The following PRDM10 variants were observed in gnomAD, a reference collection of about 807,000 sequenced individuals.
PRDM10 encodes PR domain zinc finger protein 10.
Under a neutral mutation model 133.1 loss-of-function variants are expected in PRDM10, and 65 were observed. The ratio of observed to expected loss-of-function variants is 0.49; its 90% CI spans 0.40 to 0.60. The LOEUF (loss-of-function observed/expected upper bound fraction) is 0.60. Among genes scored for constraint, PRDM10 ranks in the 20% least tolerant of loss-of-function variants. PRDM10 has a pLI of 0.00. For missense variants in PRDM10, 1,137 were observed against 1,507.1 expected (o/e 0.75, Z 4.07); for synonymous variants, 582 against 580.4 (o/e 1.00, Z -0.04).
At chr11:129,943,687 C>A (rs1951290068) in intron 6 of PRDM10, among the ~76,000 whole-genome samples, 1 of 152,132 alleles carries the variant, frequency 6.6e-6, no homozygotes, top group East Asian at 1.9e-4. Context: ...TGGCAAGACC[C>A]TGTATCCATA....
rs1949854760 is a variant in PRDM10 at position 129,901,959 on chromosome 11, G to A, written c.*354C>T. On this transcript the variant is annotated 3_prime_UTR_variant, in exon 21 of 21. Coordinates refer to ENST00000360871, the MANE Select transcript of PRDM10 (RefSeq NM_199437.2). ...AGTAACCATGAACTTGGCACATCCT[G>A]TCTCCACCTTTGGTATGAACACAAT... 1 of 188,138 alleles carries A rather than the reference G, an allele frequency of 5.3e-6. No individual in the cohort carries two copies. Among genetic ancestry groups the A allele is most frequent in the African/African-American group, 2.4e-5 (1 of 42,474 alleles). 11.7% of individuals were successfully genotyped at this position (188,138 alleles called of 1,614,324 possible). A position where few individuals can be genotyped will look rare whatever the true frequency, so the allele number is the denominator to read the frequency against.
chr11:129,966,349 T>TC (rs1034341899), intron 1 of PRDM10, among the ~76,000 whole-genome samples: 1 of 152,144 alleles, frequency 6.6e-6, no homozygotes, highest in Admixed American at 6.5e-5. Context: ...CAAAGTACGT[T>TC]CCCCCCATGT....
At chr11:129,976,283 C>T (rs1171126178) in intron 1 of PRDM10, among the ~76,000 whole-genome samples, 1 of 152,108 alleles carries the variant, frequency 6.6e-6, no homozygotes, top group Non-Finnish European at 1.5e-5. Context: ...TGTGAAACTC[C>T]ATACCCCACT....
At chr11:129,965,653 C>T (rs191109651) in intron 1 of PRDM10, among the ~76,000 whole-genome samples, 1 of 151,918 alleles carries the variant, frequency 6.6e-6, no homozygotes, top group Non-Finnish European at 1.5e-5. Context: ...TATTTTCTCT[C>T]TAATGATTGA....
chr11:130,000,093 G>A (rs987491639), intron 1 of PRDM10, among the ~76,000 whole-genome samples: 22 of 149,706 alleles, frequency 1.5e-4, no homozygotes, highest in African/African-American at 5.4e-4. Context: ...GCCCAGGCTG[G>A]AGTGCAATGG....
intron 1 of PRDM10, among the ~76,000 whole-genome samples, chr11:129,977,504 G>C (rs370552150): frequency 2.0e-5 from 3 of 152,118 alleles, no homozygotes; most frequent in African/African-American, 7.2e-5. Flanking sequence ...GGATGGGCTC[G>C]ATCTCCTGAC....
At chr11:129,967,116 C>T (rs551436324) in intron 1 of PRDM10, among the ~76,000 whole-genome samples, 5 of 152,248 alleles carry the variant, frequency 3.3e-5, no homozygotes, top group South Asian at 2.1e-4. Context: ...TGAAGCCGGG[C>T]GCGGTGGCTC....
At chr11:129,988,006 C>G (rs1159354497) in intron 1 of PRDM10, among the ~76,000 whole-genome samples, 3 of 151,518 alleles carry the variant, frequency 2.0e-5, no homozygotes, top group African/African-American at 4.8e-5. Flanking sequence ...GTCAAAAAAA[C>G]AAAAAAGGAA....
chr11:129,968,316 G>T (rs1485054748), intron 1 of PRDM10, among the ~76,000 whole-genome samples: 1 of 152,134 alleles, frequency 6.6e-6, no homozygotes, highest in Non-Finnish European at 1.5e-5. Flanking sequence ...GGCTCATTAT[G>T]AACTAACTAG....
At position 129,923,483 on chromosome 11, in the gene PRDM10, G is replaced by C; in HGVS notation, c.1879-80C>G. 1 of 1,452,746 alleles carries C rather than the reference G, an allele frequency of 6.9e-7. No individual in the cohort carries two copies. Among genetic ancestry groups the C allele is most frequent in the Non-Finnish European group, 9.2e-7 (1 of 1,090,930 alleles). The allele number at this position is 1,452,746 out of a possible 1,614,324, so 90.0% of individuals were successfully genotyped here. A position where few individuals can be genotyped will look rare whatever the true frequency, so the allele number is the denominator to read the frequency against. ...CCAAAGGCAGCTTGTCAACGCTAGAGGGAGCCAAACGCATTACCATGGGTT... is the reference window on the plus strand; with the variant it reads ...CCAAAGGCAGCTTGTCAACGCTAGACGGAGCCAAACGCATTACCATGGGTT... On this transcript the variant is annotated intron_variant, in intron 12 of 20. Transcript: ENST00000360871. The surrounding 1 kb of genome is among the most constrained non-coding windows in gnomAD (Gnocchi z 4.4).
chr11:129,989,434 G>A (rs1417739693), intron 1 of PRDM10, among the ~76,000 whole-genome samples: 2 of 152,188 alleles, frequency 1.3e-5, no homozygotes, highest in African/African-American at 4.8e-5. Flanking sequence ...CAGCTGGTGG[G>A]GGATACAGAT....
chr11:129,936,652 CA>C (rs34125921), intron 8 of PRDM10, among the ~76,000 whole-genome samples: 135 of 142,066 alleles, frequency 9.5e-4, no homozygotes, highest in Admixed American at 7.7e-4. Flanking sequence ...GACTCCATTT[CA>C]AAAAAAAAAA....
At chr11:129,925,723 C>CA (rs3838795) in intron 11 of PRDM10, among the ~76,000 whole-genome samples, 86,033 of 151,514 alleles carry the variant, frequency 0.57, 26,282 homozygotes, top group African/African-American at 0.81. Context: ...AACAAACAAA[C>CA]AAAAAAACAA....
chr11:129,909,688 T>A (rs1376377331), intron 19 of PRDM10, among the ~76,000 whole-genome samples: 1 of 152,176 alleles, frequency 6.6e-6, no homozygotes, highest in Non-Finnish European at 1.5e-5. Flanking sequence ...ACACCTTCCA[T>A]GAGAAAGGTC....
chr11:129,909,658 A>C (rs1025034473), intron 19 of PRDM10, among the ~76,000 whole-genome samples: 1 of 152,282 alleles, frequency 6.6e-6, no homozygotes, highest in South Asian at 2.1e-4. Context: ...GGTCTGTTAA[A>C]GTCTACTCCT....
chr11:129,944,561 G>C (rs553649537), intron 6 of PRDM10, among the ~76,000 whole-genome samples: 3 of 151,020 alleles, frequency 2.0e-5, no homozygotes, highest in Non-Finnish European at 2.9e-5. Flanking sequence ...CTCCAGCCTG[G>C]GCGACAGAGC....
At chr11:129,921,107 TTTCTC>T (rs2135771197) in intron 13 of PRDM10, among the ~76,000 whole-genome samples, 1 of 152,302 alleles carries the variant, frequency 6.6e-6, no homozygotes, top group East Asian at 1.9e-4. Flanking sequence ...ACTTTATTCT[TTTCTC>T]TATTCTAGTG....
intron 1 of PRDM10, among the ~76,000 whole-genome samples, chr11:129,973,928 C>A (rs1395242652): frequency 2.0e-5 from 3 of 152,216 alleles, no homozygotes; most frequent in Non-Finnish European, 4.4e-5. Context: ...CTACAACATT[C>A]CTCTGCCTTG....
At chr11:130,002,055 G>C (rs1338102582) in intron 1 of PRDM10, among the ~76,000 whole-genome samples, 1 of 151,310 alleles carries the variant, frequency 6.6e-6, no homozygotes, top group African/African-American at 2.4e-5. Flanking sequence ...GACAAAGCTG[G>C]GCGCCCCATC....
Sources: allele counts gnomAD v4.1 joint callset (sites outside exome capture counted in the v4.1 genomes callset), GRCh38; gene constraint gnomAD v4.1.1; non-coding constraint Gnocchi (gnomAD v3.1); transcripts MANE v1.5; gene names NCBI Gene and HGNC (gene_info 2026-07-23, HGNC 2026-07-21).